The following PLCG2 variants were observed in gnomAD, a reference collection of about 807,000 sequenced individuals.
PLCG2 encodes phospholipase C gamma 2.
In PLCG2, 69 loss-of-function variants were observed where a neutral mutation model predicts 175.6. That is an observed-to-expected ratio of 0.39 (90% confidence interval 0.32 to 0.48). PLCG2 has a LOEUF of 0.48. Among genes scored for constraint, PLCG2 ranks in the 20% least tolerant of loss-of-function variants. The pLI, the probability that PLCG2 is intolerant of heterozygous loss-of-function variation, is 0.91. For missense variants in PLCG2, 1,798 were observed against 1,650.9 expected (o/e 1.09, Z -1.54); for synonymous variants, 827 against 624.0 (o/e 1.33, Z -4.85).
intron 1 of PLCG2, chr16:81,783,139 T>G (rs1195379435): frequency 1.2e-5 from 6 of 492,336 alleles, no homozygotes; most frequent in South Asian, 7.4e-5. Context: ...TAATTGAAGG[T>G]GTTATAATGG....
At chr16:81,814,491 G>A (rs560860307) in intron 2 of PLCG2, among the ~76,000 whole-genome samples, 2 of 152,178 alleles carry the variant, frequency 1.3e-5, no homozygotes, top group East Asian at 3.9e-4. Context: ...TCAGGAGTTC[G>A]AGACCAGCCT....
chr16:81,868,295 C>T (rs536175526), intron 5 of PLCG2, among the ~76,000 whole-genome samples: 89 of 148,598 alleles, frequency 6.0e-4, no homozygotes, highest in Non-Finnish European at 1.2e-3. Context: ...AGGCCTTGTT[C>T]CTTCCCACTT....
chr16:81,928,218 A>T (rs1910357413), intron 23 of PLCG2, among the ~76,000 whole-genome samples: 1 of 152,128 alleles, frequency 6.6e-6, no homozygotes, highest in Non-Finnish European at 1.5e-5. Context: ...TTAGTAGGCA[A>T]AATAGTCTCA....
intron 13 of PLCG2, among the ~76,000 whole-genome samples, chr16:81,899,463 C>A (rs796694415): frequency 7.9e-5 from 12 of 152,212 alleles, no homozygotes; most frequent in African/African-American, 2.9e-4. Flanking sequence ...AATCAAATCT[C>A]AAAGCACTCT....
intron 30 of PLCG2, among the ~76,000 whole-genome samples, chr16:81,944,163 A>AGTATATTGATGTCTTTGTCATAC (rs1911061625): frequency 1.3e-5 from 2 of 152,230 alleles, no homozygotes; most frequent in African/African-American, 4.8e-5. Flanking sequence ...TGCTGGGGAA[A>AGTATATTGATGTCTTTGTCATAC]GTATATTGAT....
At chr16:81,772,128 A>T (rs904624933) in intron 2 of PLCG2, among the ~76,000 whole-genome samples, 2 of 152,144 alleles carry the variant, frequency 1.3e-5, no homozygotes, top group African/African-American at 4.8e-5. Flanking sequence ...GGATCTCAAG[A>T]TGAGAACATC....
intron 14 of PLCG2, 89 bp from the exon 15 acceptor site, chr16:81,905,314 G>T: frequency 1.2e-6 from 1 of 846,708 alleles, no homozygotes; most frequent in Non-Finnish European, 2.0e-6. Flanking sequence ...CAAAGGCCCT[G>T]CCTGGGAAGA....
intron 2 of PLCG2, among the ~76,000 whole-genome samples, chr16:81,766,132 A>G (rs1326958018): frequency 2.6e-5 from 4 of 152,118 alleles, no homozygotes; most frequent in Admixed American, 2.6e-4. Flanking sequence ...TGATTTTGTC[A>G]ACATGGGCAC....
At chr16:81,894,301 C>A (rs184534778) in intron 12 of PLCG2, among the ~76,000 whole-genome samples, 1 of 152,106 alleles carries the variant, frequency 6.6e-6, no homozygotes, top group Non-Finnish European at 1.5e-5. Flanking sequence ...TAGTGGCATG[C>A]GCCTGTGGTC....
intron 14 of PLCG2, among the ~76,000 whole-genome samples, chr16:81,903,351 G>A (rs538199180): frequency 1.1e-4 from 16 of 152,342 alleles, no homozygotes; most frequent in Non-Finnish European, 2.4e-4. Context: ...ACCAAACAGT[G>A]CAAGGAGCTT....
intron 2 of PLCG2, among the ~76,000 whole-genome samples, chr16:81,805,441 G>A (rs947752038): frequency 2.7e-5 from 4 of 148,402 alleles, no homozygotes; most frequent in African/African-American, 7.4e-5. Flanking sequence ...GGAGCTTGCA[G>A]TGAGCAGAGA....
rs960322281 is a variant in PLCG2 at position 81,900,838 on chromosome 16, G to A, written c.1362+58G>A. The A allele has an allele frequency of 1.0e-4, 151 of 1,505,832 alleles. No homozygotes were observed. In the East Asian group the frequency reaches 2.8e-3, roughly 28 times the overall value. The allele number at this position is 1,505,832 out of a possible 1,614,324, so 93.3% of individuals were successfully genotyped here. On this transcript the variant is annotated intron_variant, in intron 14 of 32. Coordinates refer to ENST00000564138, the MANE Select transcript of PLCG2 (RefSeq NM_002661.5). ...AGGGAGCCCAGTGGCTCGGTTCCCC[G>A]GCTCTGGGTCCCGTTCACCAAGTTC...
chr16:81,917,914 G>A (rs1453774469), intron 19 of PLCG2, among the ~76,000 whole-genome samples: 1 of 152,084 alleles, frequency 6.6e-6, no homozygotes, highest in East Asian at 1.9e-4. Context: ...GTAGAGACGG[G>A]GTTTCACCAT....
chr16:81,748,260 C>A (rs1040711087), intron 1 of PLCG2, among the ~76,000 whole-genome samples: 1 of 152,156 alleles, frequency 6.6e-6, no homozygotes, highest in Non-Finnish European at 1.5e-5. Flanking sequence ...CTTGGTGGCA[C>A]ATGCGTATAA....
chr16:81,942,463 G>A (rs1262176603), intron 30 of PLCG2, among the ~76,000 whole-genome samples: 1 of 152,148 alleles, frequency 6.6e-6, no homozygotes, highest in Non-Finnish European at 1.5e-5. Flanking sequence ...CATATTCATG[G>A]GAGGAATGAA....
intron 2 of PLCG2, among the ~76,000 whole-genome samples, chr16:81,759,664 C>A (rs964525729): frequency 6.6e-6 from 1 of 152,214 alleles, no homozygotes; most frequent in African/African-American, 2.4e-5. Context: ...CTAGGGACCG[C>A]TACTGTTGCC....
chr16:81,890,772 A>G (rs781277287), intron 10 of PLCG2, among the ~76,000 whole-genome samples: 3 of 152,186 alleles, frequency 2.0e-5, no homozygotes, highest in African/African-American at 4.8e-5. Flanking sequence ...TGTAACTTGA[A>G]ATTTCCTGCC....
intron 25 of PLCG2, among the ~76,000 whole-genome samples, chr16:81,933,275 C>G (rs1217021391): frequency 6.6e-6 from 1 of 152,212 alleles, no homozygotes; most frequent in Non-Finnish European, 1.5e-5. Context: ...AGTTCCCACA[C>G]TGGGCACAGC....
At chr16:81,941,228 T>G (rs1314957518) in intron 30 of PLCG2, among the ~76,000 whole-genome samples, 1 of 152,146 alleles carries the variant, frequency 6.6e-6, no homozygotes, top group Non-Finnish European at 1.5e-5. Context: ...GCAGGCATGC[T>G]AGAAAATCCA....
Sources: allele counts gnomAD v4.1 joint callset (sites outside exome capture counted in the v4.1 genomes callset), GRCh38; gene constraint gnomAD v4.1.1; transcripts MANE v1.5; gene names NCBI Gene and HGNC (gene_info 2026-07-23, HGNC 2026-07-21).